The following GALNTL6 variants were observed in gnomAD, a reference collection of about 807,000 sequenced individuals.
The protein encoded by GALNTL6 is polypeptide N-acetylgalactosaminyltransferase-like 6.
Under a neutral mutation model 73.7 loss-of-function variants are expected in GALNTL6, and 46 were observed. The ratio of observed to expected loss-of-function variants is 0.62; its 90% CI spans 0.49 to 0.80. GALNTL6 has a LOEUF of 0.80. Among genes scored for constraint, GALNTL6 ranks in the 30% least tolerant of loss-of-function variants. GALNTL6 has a pLI of 0.00. For synonymous variants in GALNTL6, 259 were observed against 263.7 expected, an observed-to-expected ratio of 0.98 and a Z score of 0.17; for missense variants, 604 against 755.0, an observed-to-expected ratio of 0.80 and a Z score of 2.34.
chr4:172,427,374 C>T (rs1226673095), intron 5 of GALNTL6, among the ~76,000 whole-genome samples: 1 of 152,034 alleles, frequency 6.6e-6, no homozygotes, highest in Non-Finnish European at 1.5e-5. Context: ...GAATTATTCT[C>T]TATTACGAGA....
At chr4:172,240,771 G>A (rs1737411173) in intron 3 of GALNTL6, among the ~76,000 whole-genome samples, 1 of 152,064 alleles carries the variant, frequency 6.6e-6, no homozygotes, top group Non-Finnish European at 1.5e-5. Flanking sequence ...TAGATTCCTT[G>A]GATTGAGTTT....
At chr4:172,748,537 T>C (rs1334178257) in intron 5 of GALNTL6, among the ~76,000 whole-genome samples, 1 of 152,236 alleles carries the variant, frequency 6.6e-6, no homozygotes, top group South Asian at 2.1e-4. Context: ...CAGGGCCTGC[T>C]GTATGTGGAA....
At chr4:172,412,367 G>A (rs1744476693) in intron 5 of GALNTL6, among the ~76,000 whole-genome samples, 1 of 152,044 alleles carries the variant, frequency 6.6e-6, no homozygotes, top group Non-Finnish European at 1.5e-5. Flanking sequence ...ATGAGATCAG[G>A]AAAGCCACTG....
rs1396474214 is a variant in GALNTL6 at position 172,824,164 on chromosome 4, TA to T, written c.923+10442del. On this transcript the variant is annotated intron_variant, in intron 7 of 12. Transcript: ENST00000506823. The stretch of plus-strand genomic sequence containing the variant: ...AAGTCTAGCGAAGAAAACTAAGCCT[TA>T]CATGTGGTGTGCCGTTGAAGCCTGC... Among the ~76,000 whole-genome samples, 4 of 152,292 alleles carry T rather than the reference TA, an allele frequency of 2.6e-5. No individual in the cohort carries two copies. In the East Asian group the frequency reaches 7.7e-4, roughly 29 times the overall value.
intron 5 of GALNTL6, among the ~76,000 whole-genome samples, chr4:172,594,237 T>G: frequency 6.6e-6 from 1 of 151,886 alleles, no homozygotes; most frequent in Admixed American, 6.6e-5. Context: ...TCCCAGCTAC[T>G]CGGGAGGCTG....
At chr4:171,856,456 T>C (rs1560815680) in intron 2 of GALNTL6, among the ~76,000 whole-genome samples, 1 of 152,132 alleles carries the variant, frequency 6.6e-6, no homozygotes, top group Admixed American at 6.5e-5. Flanking sequence ...ATCAATTTTT[T>C]ATGAATCATA....
chr4:172,347,750 T>C (rs1741800166), intron 4 of GALNTL6, among the ~76,000 whole-genome samples: 1 of 152,304 alleles, frequency 6.6e-6, no homozygotes, highest in South Asian at 2.1e-4. Flanking sequence ...TTTCAGACAC[T>C]TTTCATTGTC....
At chr4:171,973,590 A>G (rs1241093094) in intron 2 of GALNTL6, among the ~76,000 whole-genome samples, 1 of 152,166 alleles carries the variant, frequency 6.6e-6, no homozygotes, top group Non-Finnish European at 1.5e-5. Flanking sequence ...ATTCAGTATG[A>G]ACTCATCTTA....
chr4:172,640,575 G>A (rs1392093802), intron 5 of GALNTL6, among the ~76,000 whole-genome samples: 2 of 152,058 alleles, frequency 1.3e-5, no homozygotes, highest in Non-Finnish European at 2.9e-5. Flanking sequence ...CACTCTCCGT[G>A]GCTTGCAGAG....
intron 4 of GALNTL6, among the ~76,000 whole-genome samples, chr4:172,345,614 C>T (rs1741713463): frequency 6.6e-6 from 1 of 152,104 alleles, no homozygotes; most frequent in South Asian, 2.1e-4. Context: ...TGAATCTTGA[C>T]CAGGGTATTG....
At chr4:172,736,556 G>A (rs1297919542) in intron 5 of GALNTL6, among the ~76,000 whole-genome samples, 1 of 152,192 alleles carries the variant, frequency 6.6e-6, no homozygotes, top group Non-Finnish European at 1.5e-5. Context: ...ACAGGGTCCT[G>A]AGGTGACATA....
At chr4:171,967,454 T>TTTTTTTTGTTTG (rs1553976682) in intron 2 of GALNTL6, among the ~76,000 whole-genome samples, 7 of 44,542 alleles carry the variant, frequency 1.6e-4, no homozygotes, top group African/African-American at 4.8e-4. Flanking sequence ...TGGGTTTTTT[T>TTTTTTTTGTTTG]TTTTTTTTTT....
At chr4:171,966,951 T>G (rs1178762316) in intron 2 of GALNTL6, among the ~76,000 whole-genome samples, 2 of 152,108 alleles carry the variant, frequency 1.3e-5, no homozygotes, top group Admixed American at 6.5e-5. Flanking sequence ...ATTTAAGAAA[T>G]TTTAAAACAA....
At chr4:172,819,662 A>G (rs1213401498) in intron 7 of GALNTL6, among the ~76,000 whole-genome samples, 1 of 152,222 alleles carries the variant, frequency 6.6e-6, no homozygotes, top group South Asian at 2.1e-4. Context: ...GGAAATTTAC[A>G]TATCTTCTAA....
intron 5 of GALNTL6, among the ~76,000 whole-genome samples, chr4:172,745,795 T>C (rs1393086490): frequency 6.6e-6 from 1 of 152,078 alleles, no homozygotes; most frequent in East Asian, 1.9e-4. Flanking sequence ...ATAACCATAC[T>C]TTTCAGTAAA....
rs1399241253 is a variant in GALNTL6 at position 173,041,316 on chromosome 4, C to T, written c.*1216C>T. ...ATTTTCTGTTAATGGGACAATATTT[C>T]GGGGATGAAGAAAGGAATGCTCCGA... On this transcript the variant is annotated 3_prime_UTR_variant, in exon 13 of 13. Transcript: ENST00000506823. The T allele has an allele frequency of 3.3e-5, 5 of 151,112 alleles. No individual in the cohort carries two copies. The highest frequency in any genetic ancestry group is 6.6e-5 in the Admixed American group (1 of 15,154). The allele number at this position is 151,112 out of a possible 1,614,324, so 9.4% of individuals were successfully genotyped here. A position where few individuals can be genotyped will look rare whatever the true frequency, so the allele number is the denominator to read the frequency against.
chr4:171,995,664 T>C (rs999994180), intron 2 of GALNTL6, among the ~76,000 whole-genome samples: 5 of 152,186 alleles, frequency 3.3e-5, no homozygotes, highest in African/African-American at 1.2e-4. Flanking sequence ...CAGTTTCCTT[T>C]GGCAGATGCA....
intron 10 of GALNTL6, among the ~76,000 whole-genome samples, chr4:172,998,103 T>C (rs908656144): frequency 2.0e-5 from 3 of 152,146 alleles, no homozygotes; most frequent in African/African-American, 7.2e-5. Context: ...ATTACATTTA[T>C]GGTAAATTCA....
chr4:171,844,118 G>T (rs1735310049), intron 2 of GALNTL6, among the ~76,000 whole-genome samples: 1 of 152,036 alleles, frequency 6.6e-6, no homozygotes, highest in Non-Finnish European at 1.5e-5. Context: ...GTAACTTTTT[G>T]TTCATTAATA....
Sources: gnomAD v4.1 joint callset for allele counts (sites outside exome capture counted in the v4.1 genomes callset) on GRCh38, gnomAD v4.1.1 for gene constraint, MANE v1.5 for transcripts, NCBI Gene and HGNC (gene_info 2026-07-23, HGNC 2026-07-21) for gene names.